The following NPSR1 variants were observed in gnomAD, a reference collection of about 807,000 sequenced individuals.
NPSR1 encodes neuropeptide S receptor.
Under a neutral mutation model 46.9 loss-of-function variants are expected in NPSR1, and 48 were observed. The observed-to-expected ratio is 1.02, with a 90% CI of 0.81 to 1.30. NPSR1 has a LOEUF of 1.30. Ranked by LOEUF, NPSR1 falls within the 50% of genes most tolerant of loss-of-function variation. NPSR1 has a pLI of 0.00. For synonymous variants in NPSR1, 176 were observed against 168.1 expected (o/e 1.05, Z -0.36); for missense variants, 450 against 449.5 (o/e 1.00, Z -0.01).
At chr7:34,720,973 A>C (rs1230968955) in intron 2 of NPSR1, among the ~76,000 whole-genome samples, 1 of 152,200 alleles carries the variant, frequency 6.6e-6, no homozygotes, top group Non-Finnish European at 1.5e-5. Flanking sequence ...TCAAAAGAAA[A>C]GGATATCTCT....
chr7:34,829,203 TGCCCCCGC>T (rs772391130), intron 5 of NPSR1, among the ~76,000 whole-genome samples: 181 of 152,308 alleles, frequency 1.2e-3, no homozygotes, highest in Non-Finnish European at 2.1e-3. Flanking sequence ...TTAACTGCCT[TGCCCCCGC>T]CCCCTCATCA....
chr7:34,693,351 G>A (rs557316687), intron 2 of NPSR1, among the ~76,000 whole-genome samples: 146 of 152,124 alleles, frequency 9.6e-4, no homozygotes, highest in Non-Finnish European at 9.3e-4. Flanking sequence ...AATCATCAGA[G>A]ATGACTATGA....
At chr7:34,852,908 G>C, downstream of NPSR1, among the ~76,000 whole-genome samples, 1 of 152,190 alleles carries the variant, frequency 6.6e-6, no homozygotes, top group Non-Finnish European at 1.5e-5. Flanking sequence ...GAAAATAAGT[G>C]ACTCTACTTT....
At chr7:34,658,618 T>A in intron 1 of NPSR1, 59 bp downstream of exon 1, 1 of 1,511,424 alleles carries the variant, frequency 6.6e-7, no homozygotes, top group Non-Finnish European at 9.1e-7. Flanking sequence ...TGCTGGAACT[T>A]AAGAGTGTCA....
intron 3 of NPSR1, among the ~76,000 whole-genome samples, chr7:34,785,264 A>T (rs1473922178): frequency 3.3e-5 from 5 of 151,720 alleles, no homozygotes; most frequent in Non-Finnish European, 7.4e-5. Context: ...CATCATTCTC[A>T]GTAAACTATT....
intron 2 of NPSR1, among the ~76,000 whole-genome samples, chr7:34,764,080 A>C (rs569931278): frequency 1.3e-5 from 2 of 152,240 alleles, no homozygotes; most frequent in Non-Finnish European, 2.9e-5. Flanking sequence ...AAATTATAAA[A>C]GATAAATTGT....
At chr7:34,845,296 A>G (rs571583450) in intron 7 of NPSR1, among the ~76,000 whole-genome samples, 1 of 152,220 alleles carries the variant, frequency 6.6e-6, no homozygotes, top group African/African-American at 2.4e-5. Context: ...TTCCTTTAAG[A>G]CACACTGTTC....
intron 1 of NPSR1, among the ~76,000 whole-genome samples, chr7:34,683,172 G>A (rs1482266226): frequency 1.3e-5 from 2 of 152,082 alleles, no homozygotes; most frequent in Non-Finnish European, 2.9e-5. Flanking sequence ...GGCCAGGTGC[G>A]GTGGCTCACA....
intron 2 of NPSR1, among the ~76,000 whole-genome samples, chr7:34,769,439 T>TA (rs1246488243): frequency 6.6e-6 from 1 of 152,096 alleles, no homozygotes; most frequent in Admixed American, 6.6e-5. Context: ...TCTCACAGTA[T>TA]AAAAAAATAC....
intron 2 of NPSR1, among the ~76,000 whole-genome samples, chr7:34,776,843 G>A (rs1786982025): frequency 6.6e-6 from 1 of 152,160 alleles, no homozygotes; most frequent in South Asian, 2.1e-4. Context: ...CCTAGGGCAT[G>A]TCTAGAAATG....
At chr7:34,715,682 C>A (rs574162088) in intron 2 of NPSR1, among the ~76,000 whole-genome samples, 4 of 152,278 alleles carry the variant, frequency 2.6e-5, no homozygotes, top group Admixed American at 2.6e-4. Flanking sequence ...ATCAAAGCAG[C>A]CCTGAATACA....
chr7:34,865,191 G>A (rs543345056), intron 8 of NPSR1, among the ~76,000 whole-genome samples: 8 of 151,884 alleles, frequency 5.3e-5, no homozygotes, highest in East Asian at 3.9e-4. Context: ...CTCATTGAAC[G>A]GTGATATAAG....
intron 2 of NPSR1, among the ~76,000 whole-genome samples, chr7:34,747,481 CAAG>C (rs1044989403): frequency 1.3e-5 from 2 of 152,304 alleles, no homozygotes; most frequent in Admixed American, 1.3e-4. Flanking sequence ...GCCCGTGGCC[CAAG>C]AAGGCCCTGC....
At chr7:34,680,050 T>C (rs1583793002) in intron 1 of NPSR1, among the ~76,000 whole-genome samples, 2 of 152,260 alleles carry the variant, frequency 1.3e-5, no homozygotes, top group South Asian at 2.1e-4. Context: ...TCACATGATA[T>C]GACCATAATA....
chr7:34,797,676 C>T (rs2128746257), intron 3 of NPSR1, among the ~76,000 whole-genome samples: 1 of 152,208 alleles, frequency 6.6e-6, no homozygotes, highest in Admixed American at 6.6e-5. Flanking sequence ...ATCCAGGAAG[C>T]TCAGAGAACA....
At chr7:34,673,583 C>T (rs1792166061) in intron 1 of NPSR1, among the ~76,000 whole-genome samples, 1 of 152,160 alleles carries the variant, frequency 6.6e-6, no homozygotes, top group African/African-American at 2.4e-5. Context: ...GCTTCAACTG[C>T]ACCTCCCATC....
intron 2 of NPSR1, among the ~76,000 whole-genome samples, chr7:34,728,297 C>G (rs181904539): frequency 9.0e-4 from 137 of 152,282 alleles, no homozygotes; most frequent in Non-Finnish European, 1.5e-3. Context: ...GCACCAGACC[C>G]TGTCGCTGGA....
intron 3 of NPSR1, among the ~76,000 whole-genome samples, chr7:34,792,691 A>ATATATATATGTATATATATATATT (rs1162825872): frequency 1.0e-5 from 1 of 95,668 alleles, no homozygotes; most frequent in African/African-American, 3.6e-5. Flanking sequence ...ATATATATGT[A>ATATATATATGTATATATATATATT]TATATATACG....
At position 34,825,688 on chromosome 7, in the gene NPSR1, G is replaced by A. The variant is rs565465761; in HGVS notation, c.479-1713G>A. Among the ~76,000 whole-genome samples, 68 of 152,270 alleles carry A rather than the reference G, an allele frequency of 4.5e-4. No individual in the cohort carries two copies. The Middle Eastern group carries it at 0.01, about 23-fold the overall frequency. ...AGACCCCACAGGATAATTTCCAAAGGACCCAGAAAAGTTCCTCAGGGGACC... is the reference window on the plus strand; with the variant it reads ...AGACCCCACAGGATAATTTCCAAAGAACCCAGAAAAGTTCCTCAGGGGACC... On this transcript the variant is annotated intron_variant, in intron 4 of 8. Transcript: ENST00000360581.
Sources: gnomAD v4.1 joint callset for allele counts (sites outside exome capture counted in the v4.1 genomes callset) on GRCh38, gnomAD v4.1.1 for gene constraint, MANE v1.5 for transcripts, NCBI Gene and HGNC (gene_info 2026-07-23, HGNC 2026-07-21) for gene names.